PLXNC1: variants seen among roughly 807,000 people sequenced by gnomAD.
The protein encoded by PLXNC1 is plexin-C1.
In PLXNC1, 75 loss-of-function variants were observed where a neutral mutation model predicts 178.2. The observed-to-expected ratio is 0.42, with a 90% CI of 0.35 to 0.51. PLXNC1 has a LOEUF of 0.51. PLXNC1 is among the 20% of genes least tolerant of loss of function. PLXNC1 has a pLI of 0.02. For synonymous variants in PLXNC1, 790 were observed against 779.9 expected (o/e 1.01, Z -0.22); for missense variants, 1,503 against 1,984.4 (o/e 0.76, Z 4.61).
At chr12:94,293,794 AT>A (rs539451459) in intron 23 of PLXNC1, among the ~76,000 whole-genome samples, 2 of 151,932 alleles carry the variant, frequency 1.3e-5, no homozygotes, top group African/African-American at 2.4e-5. Context: ...AATTAAAAAA[AT>A]TTTTTTTATA....
At chr12:94,281,658 T>A (rs553728948) in intron 22 of PLXNC1, among the ~76,000 whole-genome samples, 1 of 152,310 alleles carries the variant, frequency 6.6e-6, no homozygotes, top group African/African-American at 2.4e-5. Context: ...TAGCCTCAAG[T>A]AATCCCCCTG....
intron 6 of PLXNC1, among the ~76,000 whole-genome samples, chr12:94,223,300 A>G (rs1486193491): frequency 6.6e-6 from 1 of 152,230 alleles, no homozygotes; most frequent in East Asian, 1.9e-4. Flanking sequence ...TCCTATTCCT[A>G]TTAATTCACC....
chr12:94,250,594 A>T (rs533151140), intron 14 of PLXNC1, among the ~76,000 whole-genome samples: 1 of 152,274 alleles, frequency 6.6e-6, no homozygotes, highest in Non-Finnish European at 1.5e-5. Flanking sequence ...TGAAATAATT[A>T]AGCTTCATGT....
At chr12:94,205,131 C>T (rs1192066835) in intron 4 of PLXNC1, among the ~76,000 whole-genome samples, 1 of 152,118 alleles carries the variant, frequency 6.6e-6, no homozygotes, top group African/African-American at 2.4e-5. Context: ...GTTGGCTTCT[C>T]AAGGTCCCCC....
intron 1 of PLXNC1, among the ~76,000 whole-genome samples, chr12:94,150,645 C>G (rs1375514999): frequency 6.6e-6 from 1 of 152,348 alleles, no homozygotes; most frequent in East Asian, 1.9e-4. Flanking sequence ...AACCGAACCC[C>G]TGGCGTGAGC....
intron 6 of PLXNC1, 140 bp from the exon 7 acceptor site, chr12:94,224,088 T>C (rs576544710): frequency 2.8e-4 from 186 of 660,698 alleles, no homozygotes; most frequent in Middle Eastern, 1.5e-3. Flanking sequence ...CACATACTGA[T>C]TGAAATGTTA....
intron 1 of PLXNC1, among the ~76,000 whole-genome samples, chr12:94,155,448 A>G (rs1331816918): frequency 2.0e-5 from 3 of 152,232 alleles, no homozygotes; most frequent in Non-Finnish European, 2.9e-5. Flanking sequence ...AAGAACCACT[A>G]TTGTAAGATA....
intron 1 of PLXNC1, 30 bp from the exon 2 acceptor site, chr12:94,169,123 A>G: frequency 6.3e-7 from 1 of 1,584,654 alleles, no homozygotes. Flanking sequence ...AATTATTATT[A>G]TTTTTTTGTG....
At chr12:94,150,104 C>T (rs977219320) in intron 1 of PLXNC1, 71 bp downstream of exon 1, 11 of 1,279,260 alleles carry the variant, frequency 8.6e-6, no homozygotes, top group Non-Finnish European at 1.2e-5. Flanking sequence ...CGAGGCAGAA[C>T]GAGCTGGGGG....
intron 27 of PLXNC1, 100 bp downstream of exon 27, chr12:94,298,895 A>G (rs994898148): frequency 7.5e-5 from 86 of 1,153,116 alleles, no homozygotes; most frequent in Non-Finnish European, 1.0e-4. Flanking sequence ...ATTTATCTCT[A>G]TATCAGAATC....
chr12:94,231,562 C>G (rs1464775232), intron 9 of PLXNC1, among the ~76,000 whole-genome samples: 1 of 152,206 alleles, frequency 6.6e-6, no homozygotes, highest in African/African-American at 2.4e-5. Context: ...TCAGTCCCTA[C>G]TAGGCCAGTA....
At chr12:94,186,602 CTTG>C (rs1180429059) in intron 4 of PLXNC1, 129 bp downstream of exon 4, 1 of 652,582 alleles carries the variant, frequency 1.5e-6, no homozygotes, top group Non-Finnish European at 2.8e-6. Flanking sequence ...CGACTAAAAT[CTTG>C]TTGTGCAATC....
chr12:94,196,276 C>T (rs3858613), intron 4 of PLXNC1, among the ~76,000 whole-genome samples: 25,698 of 151,946 alleles, frequency 0.17, 2,327 homozygotes, highest in Middle Eastern at 0.18. Flanking sequence ...TGGGAGGGGT[C>T]GGGTCATGGG....
chr12:94,173,923 G>A (rs952306250), intron 2 of PLXNC1, among the ~76,000 whole-genome samples: 1 of 152,024 alleles, frequency 6.6e-6, no homozygotes, highest in African/African-American at 2.4e-5. Flanking sequence ...ATCTCCTTTG[G>A]GGCCCCAGCT....
At chr12:94,203,947 T>C (rs1963216920) in intron 4 of PLXNC1, among the ~76,000 whole-genome samples, 1 of 152,182 alleles carries the variant, frequency 6.6e-6, no homozygotes, top group Non-Finnish European at 1.5e-5. Context: ...AGGCTGCAAA[T>C]TCAGTCTCTT....
chr12:94,242,043 AG>A (rs1964403904), intron 11 of PLXNC1, among the ~76,000 whole-genome samples: 1 of 152,040 alleles, frequency 6.6e-6, no homozygotes, highest in East Asian at 1.9e-4. Flanking sequence ...AAAGTAGAGA[AG>A]AAAAAAATCA....
chr12:94,233,210 C>T (rs1964154867), intron 9 of PLXNC1, among the ~76,000 whole-genome samples: 1 of 152,184 alleles, frequency 6.6e-6, no homozygotes, highest in Admixed American at 6.5e-5. Context: ...GGCTGGGCAT[C>T]TGCTCCAAGA....
At chr12:94,197,386 G>T (rs180787716) in intron 4 of PLXNC1, among the ~76,000 whole-genome samples, 2 of 149,946 alleles carry the variant, frequency 1.3e-5, no homozygotes, top group East Asian at 2.0e-4. Context: ...TGCAGGAGTG[G>T]GTTACTTATC....
intron 5 of PLXNC1, among the ~76,000 whole-genome samples, chr12:94,211,694 C>CA (rs1377615690): frequency 6.6e-6 from 1 of 152,244 alleles, no homozygotes; most frequent in Non-Finnish European, 1.5e-5. Flanking sequence ...TCCTCATACT[C>CA]ACTATGGGAT....
Sources: gnomAD v4.1 joint callset for allele counts (sites outside exome capture counted in the v4.1 genomes callset) on GRCh38, gnomAD v4.1.1 for gene constraint, MANE v1.5 for transcripts, NCBI Gene and HGNC (gene_info 2026-07-23, HGNC 2026-07-21) for gene names.